DENND6B: variants seen among roughly 807,000 people sequenced by gnomAD.
The protein encoded by DENND6B is DENN domain containing 6B.
A neutral mutation model predicts 85.1 loss-of-function variants in DENND6B; 73 were observed. The ratio of observed to expected loss-of-function variants is 0.86; its 90% CI spans 0.71 to 1.04. DENND6B has a LOEUF of 1.04. DENND6B is among the 50% of genes least tolerant of loss of function. The pLI is 0.00. For synonymous variants in DENND6B, 357 were observed against 329.3 expected, an observed-to-expected ratio of 1.08 and a Z score of -0.91; for missense variants, 715 against 785.8, an observed-to-expected ratio of 0.91 and a Z score of 1.08.
Position 50,314,618 on chromosome 22 carries a change from G to T in DENND6B, c.964C>A (p.Arg322Ser), listed in dbSNP as rs754349882. Residue 322 changes from arginine (R) to serine (S), a missense_variant, in exon 11 of 20, where the codon CGC becomes AGC. Transcript: ENST00000413817. ...HDSEFKEFTTRTQAPPNVVLG... is the reference protein window; with the variant it reads ...HDSEFKEFTTSTQAPPNVVLG... ...GGCGGCACTTACGGGGCCTGCGTGC[G>T]TGTGGTGAACTCCTTGAACTCGCTG... The T allele has an allele frequency of 6.4e-7, 1 of 1,563,808 alleles. No homozygotes were observed.
chr22:50,315,322 C>T (rs148963936), intron 9 of DENND6B, among the ~76,000 whole-genome samples: 1 of 152,332 alleles, frequency 6.6e-6, no homozygotes, highest in East Asian at 1.9e-4. Flanking sequence ...TCTCAAAGCC[C>T]AGGCTCCCTT....
At chr22:50,320,483 C>A (rs1026726796) in intron 1 of DENND6B, among the ~76,000 whole-genome samples, 1 of 152,210 alleles carries the variant, frequency 6.6e-6, no homozygotes, top group Non-Finnish European at 1.5e-5. Flanking sequence ...AGGACCCTGT[C>A]CTGGTTACTT....
chr22:50,313,302 T>C, intron 16 of DENND6B, 144 bp downstream of exon 16: 2 of 1,255,278 alleles, frequency 1.6e-6, no homozygotes, highest in Non-Finnish European at 2.2e-6. Flanking sequence ...ACCTGCCCTG[T>C]GGCCCCCAGT....
At chr22:50,326,190 C>G (rs1373317597) in intron 1 of DENND6B, among the ~76,000 whole-genome samples, 1 of 152,232 alleles carries the variant, frequency 6.6e-6, no homozygotes, top group Non-Finnish European at 1.5e-5. Flanking sequence ...ACATCGAAAG[C>G]CCATGGGCAC....
chr22:50,315,119 G>A (rs2041763181), intron 9 of DENND6B, 198 bp from the exon 10 acceptor site: 5 of 798,624 alleles, frequency 6.3e-6, no homozygotes, highest in Non-Finnish European at 9.5e-6. Context: ...CACCTGTGCT[G>A]GGCCTGGCCC....
Position 50,313,636 on chromosome 22 carries a change from A to AG in DENND6B, c.1291dup (p.Leu431ProfsTer31), listed in dbSNP as rs1332360386. ...ATGTCCCCCAGCCCCGGGCCTCACC[A>AG]GGGGGATGATGAAGCTCTGGGTGAG... On this transcript the variant is annotated frameshift_variant and splice_region_variant, in exon 15 of 20. Transcript: ENST00000413817. LOFTEE classifies it high-confidence loss of function. 2.6e-6 allele frequency: 4 copies of AG among 1,516,868 alleles called. No individual in the cohort carries two copies. Among genetic ancestry groups the AG allele is most frequent in the Non-Finnish European group, 8.8e-7 (1 of 1,132,262 alleles). The allele number at this position is 1,516,868 out of a possible 1,614,324, so 94.0% of individuals were successfully genotyped here.
intron 1 of DENND6B, among the ~76,000 whole-genome samples, 152 bp downstream of exon 1, chr22:50,326,660 G>T (rs968317152): frequency 6.6e-6 from 1 of 152,224 alleles, no homozygotes; most frequent in African/African-American, 2.4e-5. Context: ...CCTGGGGAGC[G>T]CTTCTGGAGC....
At chr22:50,323,020 CTTTT>C (rs386395718) in intron 1 of DENND6B, among the ~76,000 whole-genome samples, 119 of 39,026 alleles carry the variant, frequency 3.0e-3, no homozygotes, top group African/African-American at 0.013. Flanking sequence ...CCGGCTAATG[CTTTT>C]TTTTTTTTTT....
At position 50,317,998 on chromosome 22, in the gene DENND6B, G is replaced by A; in HGVS notation, c.282C>T (p.Phe94=). The change falls in exon 4 of 20, where the codon TTC becomes TTT. Residue 94 remains phenylalanine, a synonymous_variant. Transcript: ENST00000413817. The part of the protein sequence containing the change: ...SHSGCLGDTQ[F]SFRMRQCGGQ... ...CTCCACACTGGCGCATGCGGAAGCT[G>A]AACTGAGTGTCTCCAAGGCAGCCTA... 6.2e-7 allele frequency: 1 copy of A among 1,612,486 alleles called. No individual in the cohort carries two copies. Among genetic ancestry groups the A allele is most frequent in the East Asian group, 2.2e-5 (1 of 44,876 alleles).
rs746588704 is a variant in DENND6B, at chr22:50,313,065, C to T, written c.1391G>A (p.Arg464His). Residue 464 changes from arginine to histidine, a missense_variant, in exon 17 of 20, where the codon CGT becomes CAT. Physicochemically the swap from Arg to His is conservative, Grantham distance 29. Transcript: ENST00000413817. ...CTGGGGCCCAGCATGCTCCAGGCTA[C>T]GCAGGAAGTCATCCTGGCTGAAGGG... The part of the protein sequence containing the change: ...IQPFSQDDFL[R>H]SLEHAGPQLT... 2.8e-5 allele frequency: 44 copies of T among 1,560,054 alleles called. No homozygotes were observed. The highest frequency in any genetic ancestry group is 1.7e-4 in the Middle Eastern group (1 of 5,988).
chr22:50,321,419 G>C (rs2042039542), intron 1 of DENND6B, among the ~76,000 whole-genome samples: 1 of 152,114 alleles, frequency 6.6e-6, no homozygotes, highest in South Asian at 2.1e-4. Context: ...GGAGTGCACT[G>C]ACGTGATCTC....
At position 50,313,838 on chromosome 22, in the gene DENND6B, C is replaced by A. The variant is rs753041370; in HGVS notation, c.1179G>T (p.Lys393Asn). Residue 393 changes from lysine to asparagine, a missense_variant, in exon 14 of 20, where the codon AAG (lysine) becomes AAT (asparagine). Coordinates refer to ENST00000413817, the MANE Select transcript of DENND6B (RefSeq NM_001001794.4). ...CCTTGAGCAGCCGTTTGAGCAGCGC[C>A]TTGTCGCGGTGGAGGTGGGCCGTGT... ...TAYTAHLHRD[K>N]ALLKRLLKGV... 1 of 1,612,132 alleles carries A rather than the reference C, an allele frequency of 6.2e-7. No individual in the cohort carries two copies. Among genetic ancestry groups the A allele is most frequent in the Non-Finnish European group, 8.5e-7 (1 of 1,179,682 alleles).
chr22:50,316,292 G>A (rs1208487464), intron 6 of DENND6B, 39 bp from the exon 7 acceptor site: 8 of 1,571,018 alleles, frequency 5.1e-6, no homozygotes, highest in Non-Finnish European at 6.9e-6. Context: ...CCTCCCCAAG[G>A]AGAAGCTGCT....
intron 5 of DENND6B, chr22:50,316,700 T>A (rs1483766436): frequency 6.8e-7 from 1 of 1,475,406 alleles, no homozygotes; most frequent in Non-Finnish European, 9.0e-7. Flanking sequence ...CCGGTGGGGC[T>A]GGACCCTAGG....
Position 50,312,213 on chromosome 22 carries a change from G to T in DENND6B, c.1684C>A (p.Arg562=). Residue 562 remains arginine, a synonymous_variant, in exon 20 of 20, where the codon CGG becomes AGG. Coordinates refer to ENST00000413817, the MANE Select transcript of DENND6B (RefSeq NM_001001794.4). The part of the protein sequence containing the change: ...QLPVKEATLQ[R]AQLYIETVIG... ...ACCGTCTCGATGTACAGCTGTGCCC[G>T]CTGCAGCGTAGCCTCCTTCACAGGG... is the stretch of plus-strand genomic sequence containing the variant. 1.2e-6 allele frequency: 2 copies of T among 1,612,338 alleles called. No individual in the cohort carries two copies. Among genetic ancestry groups the T allele is most frequent in the Non-Finnish European group, 1.7e-6 (2 of 1,179,694 alleles).
chr22:50,315,983 G>A, intron 8 of DENND6B, 42 bp downstream of exon 8: 1 of 1,612,090 alleles, frequency 6.2e-7, no homozygotes, highest in South Asian at 1.1e-5. Flanking sequence ...TCAATCGGGT[G>A]AAGCCCAGCT....
At chr22:50,321,436 C>A (rs1299629502) in intron 1 of DENND6B, among the ~76,000 whole-genome samples, 1 of 151,976 alleles carries the variant, frequency 6.6e-6, no homozygotes, top group Non-Finnish European at 1.5e-5. Flanking sequence ...TCTCAGCTCA[C>A]TGCAAACGCC....
intron 14 of DENND6B, 43 bp downstream of exon 14, chr22:50,313,771 C>T: frequency 6.2e-7 from 1 of 1,609,574 alleles, no homozygotes; most frequent in African/African-American, 1.3e-5. Flanking sequence ...CACACCACAC[C>T]AGGCTCCCTG....
At chr22:50,317,093 GGGGGTGGCGAGGACAGGGT>G (rs2041872675) in intron 5 of DENND6B, 181 bp downstream of exon 5, 1 of 399,634 alleles carries the variant, frequency 2.5e-6, no homozygotes, top group Non-Finnish European at 4.6e-6. Flanking sequence ...GACAGGGTGG[GGGGGTGGCGAGGACAGGGT>G]GGGGGGCGGC....
Sources: allele counts gnomAD v4.1 joint callset (sites outside exome capture counted in the v4.1 genomes callset), GRCh38; gene constraint gnomAD v4.1.1; transcripts MANE v1.5; gene names NCBI Gene and HGNC (gene_info 2026-07-23, HGNC 2026-07-21).